PPP2R3A: variants seen among roughly 807,000 people sequenced by gnomAD.
The protein encoded by PPP2R3A is serine/threonine-protein phosphatase 2A regulatory subunit B'' subunit alpha.
Under a neutral mutation model 106.9 loss-of-function variants are expected in PPP2R3A, and 80 were observed. The ratio of observed to expected loss-of-function variants is 0.75; its 90% CI spans 0.62 to 0.90. The LOEUF (loss-of-function observed/expected upper bound fraction) is 0.90, where lower values mean the gene tolerates loss of function less well. Among genes scored for constraint, PPP2R3A ranks in the 40% least tolerant of loss-of-function variants. The pLI, the probability that PPP2R3A is intolerant of heterozygous loss-of-function variation, is 0.00. For missense variants in PPP2R3A, 1,386 were observed against 1,350.4 expected, an observed-to-expected ratio of 1.03 and a Z score of -0.41; for synonymous variants, 483 against 468.3, an observed-to-expected ratio of 1.03 and a Z score of -0.41.
intron 5 of PPP2R3A, among the ~76,000 whole-genome samples, chr3:136,049,715 G>T (rs1055173920): frequency 6.6e-6 from 1 of 152,170 alleles, no homozygotes; most frequent in Non-Finnish European, 1.5e-5. Context: ...TAACTTCTCT[G>T]TTAGCGTAGA....
At chr3:136,080,177 C>G (rs1017748235) in intron 7 of PPP2R3A, among the ~76,000 whole-genome samples, 1 of 152,148 alleles carries the variant, frequency 6.6e-6, no homozygotes, top group African/African-American at 2.4e-5. Context: ...AACAGTGTCT[C>G]AGGGTTTTTT....
intron 6 of PPP2R3A, among the ~76,000 whole-genome samples, chr3:136,074,543 T>G (rs945726292): frequency 1.3e-5 from 2 of 152,272 alleles, no homozygotes; most frequent in Non-Finnish European, 2.9e-5. Context: ...AAGGTTTTGC[T>G]TATCCAAACC....
chr3:136,109,647 T>C (rs1297030426), intron 13 of PPP2R3A, among the ~76,000 whole-genome samples: 3 of 152,192 alleles, frequency 2.0e-5, no homozygotes, highest in Non-Finnish European at 2.9e-5. Context: ...TCAGTGGACT[T>C]CTAAAAACTA....
chr3:136,073,950 A>G (rs1349929839), intron 6 of PPP2R3A, among the ~76,000 whole-genome samples: 1 of 152,252 alleles, frequency 6.6e-6, no homozygotes, highest in Non-Finnish European at 1.5e-5. Flanking sequence ...CCCTGCTCAC[A>G]GCAAAAACAG....
intron 1 of PPP2R3A, among the ~76,000 whole-genome samples, chr3:135,994,832 G>A (rs1031018203): frequency 2.2e-4 from 33 of 152,038 alleles, no homozygotes; most frequent in Admixed American, 4.6e-4. Context: ...CTTACAAGGC[G>A]CAGTCCAACC....
At chr3:136,068,942 C>G (rs1000256566) in intron 5 of PPP2R3A, among the ~76,000 whole-genome samples, 1 of 152,132 alleles carries the variant, frequency 6.6e-6, no homozygotes, top group African/African-American at 2.4e-5. Flanking sequence ...TAACCTTAAT[C>G]ATGACCAGAC....
intron 13 of PPP2R3A, among the ~76,000 whole-genome samples, chr3:136,137,533 G>GGTTTTTTTTTTTTT (rs1559941176): frequency 5.2e-5 from 2 of 38,442 alleles, no homozygotes; most frequent in African/African-American, 1.5e-4. Flanking sequence ...CTCTGTCAGA[G>GGTTTTTTTTTTTTT]ATTTTTTTTT....
At chr3:136,046,554 A>G (rs2107857000) in intron 4 of PPP2R3A, among the ~76,000 whole-genome samples, 1 of 152,310 alleles carries the variant, frequency 6.6e-6, no homozygotes, top group Non-Finnish European at 1.5e-5. Flanking sequence ...AGCTTGCACC[A>G]CAGTCAAACC....
At chr3:135,973,020 G>A (rs749371004) in intron 1 of PPP2R3A, among the ~76,000 whole-genome samples, 2 of 152,098 alleles carry the variant, frequency 1.3e-5, no homozygotes, top group Non-Finnish European at 2.9e-5. Flanking sequence ...CCAAATCCAA[G>A]GTCCTGCCAG....
intron 1 of PPP2R3A, among the ~76,000 whole-genome samples, chr3:135,981,705 GTAAA>G (rs1364803985): frequency 6.6e-6 from 1 of 151,728 alleles, no homozygotes; most frequent in Non-Finnish European, 1.5e-5. Context: ...CGTGTAAACA[GTAAA>G]TAAAGCCAAG....
At chr3:136,104,653 T>C (rs1308569554) in intron 12 of PPP2R3A, among the ~76,000 whole-genome samples, 1 of 152,160 alleles carries the variant, frequency 6.6e-6, no homozygotes, top group Non-Finnish European at 1.5e-5. Flanking sequence ...ACATTGCCAG[T>C]TGTAAGCCTA....
intron 8 of PPP2R3A, among the ~76,000 whole-genome samples, chr3:136,086,102 G>A (rs999480676): frequency 5.9e-5 from 9 of 151,608 alleles, no homozygotes; most frequent in African/African-American, 2.2e-4. Flanking sequence ...CTACACTCCA[G>A]CCTGAGCGAC....
Position 136,103,300 on chromosome 3 carries a change from A to C in PPP2R3A, c.3146A>C (p.His1049Pro). Residue 1049 changes from histidine to proline, a missense_variant, in exon 12 of 14, where the codon CAC (histidine) becomes CCC (proline). Transcript: ENST00000264977. ...LRDLKRCRMA[H>P]IFYDTFFNLE... ...GATCTGAAGAGGTGCAGAATGGCTC[A>C]CATCTTCTATGACACTTTCTTTAAT... 1 of 1,611,250 alleles carries C rather than the reference A, an allele frequency of 6.2e-7. No individual in the cohort carries two copies. Among genetic ancestry groups the C allele is most frequent in the Non-Finnish European group, 8.5e-7 (1 of 1,177,586 alleles).
intron 2 of PPP2R3A, among the ~76,000 whole-genome samples, chr3:136,013,647 G>A (rs1458483263): frequency 6.6e-6 from 1 of 151,986 alleles, no homozygotes; most frequent in African/African-American, 2.4e-5. Context: ...CCATTTGTAC[G>A]TCTTCTTTTA....
In PPP2R3A at chr3:136,055,336, G is replaced by A. The variant is rs571987951; in HGVS notation, c.2469+5975G>A. The A allele has an allele frequency of 5.3e-4, 496 of 939,994 alleles. 2 individuals carry two copies. Among genetic ancestry groups the A allele is most frequent in the South Asian group, 2.7e-3 (212 of 77,516 alleles). 58.2% of individuals were successfully genotyped at this position (939,994 alleles called of 1,614,324 possible). ...ACATCTTTACATTGCTCAATTTTTT[G>A]ATCAACTCTAAGAGTTTAGTTGCTA... On this transcript the variant is annotated intron_variant, in intron 5 of 13. Coordinates refer to ENST00000264977, the MANE Select transcript of PPP2R3A (RefSeq NM_002718.5).
intron 13 of PPP2R3A, among the ~76,000 whole-genome samples, chr3:136,142,024 A>G (rs565988847): frequency 1.3e-4 from 20 of 152,328 alleles, no homozygotes; most frequent in South Asian, 4.1e-4. Flanking sequence ...AGAGCCATCT[A>G]TATAGTAGGC....
intron 13 of PPP2R3A, among the ~76,000 whole-genome samples, chr3:136,108,835 G>C (rs149268687): frequency 4.9e-4 from 75 of 152,170 alleles, no homozygotes; most frequent in African/African-American, 1.8e-3. Context: ...AGAGAAAGAA[G>C]CTCTATACCC....
intron 2 of PPP2R3A, among the ~76,000 whole-genome samples, chr3:136,022,043 A>G (rs1934484405): frequency 6.6e-6 from 1 of 152,154 alleles, no homozygotes; most frequent in African/African-American, 2.4e-5. Context: ...ACTTTACTTT[A>G]TGATTCACTT....
At chr3:136,053,236 C>T (rs9836758) in intron 5 of PPP2R3A, among the ~76,000 whole-genome samples, 35,203 of 152,022 alleles carry the variant, frequency 0.23, 4,881 homozygotes, top group Non-Finnish European at 0.32. Flanking sequence ...AGCCCTGTGA[C>T]ATGAGTTTAC....
Sources: allele counts gnomAD v4.1 joint callset (sites outside exome capture counted in the v4.1 genomes callset), GRCh38; gene constraint gnomAD v4.1.1; transcripts MANE v1.5; gene names NCBI Gene and HGNC (gene_info 2026-07-23, HGNC 2026-07-21).